Variants in IL1R1 observed in about 807,000 individuals in gnomAD.
IL1R1 encodes interleukin 1 receptor type 1, also known as interleukin-1 receptor type 1.
IL1R1 carries 22 observed loss-of-function variants against 50.2 expected under a neutral mutation model. That is an observed-to-expected ratio of 0.44 (90% confidence interval 0.31 to 0.63). The LOEUF is 0.63. Ranked by LOEUF, IL1R1 falls within the 20% of genes least tolerant of loss-of-function variation. The probability of loss-of-function intolerance (pLI) is 0.07; values close to 1 mark genes in which losing one functional copy is unlikely to be tolerated. For missense variants in IL1R1, 509 were observed against 676.2 expected (o/e 0.75, Z 2.74); for synonymous variants, 251 against 236.7 (o/e 1.06, Z -0.55).
At chr2:102,092,360 C>T (rs1426494942) in intron 1 of IL1R1, among the ~76,000 whole-genome samples, 1 of 152,000 alleles carries the variant, frequency 6.6e-6, no homozygotes, top group Non-Finnish European at 1.5e-5. Context: ...GTTTTCTTAG[C>T]TCTTTGATTC....
In IL1R1 at chr2:102,165,015, G is replaced by A. The variant is rs1297102645; in HGVS notation, c.296+7G>A. On this transcript the variant is annotated splice_region_variant and intron_variant, in intron 4 of 11. Coordinates refer to ENST00000410023, the MANE Select transcript of IL1R1 (RefSeq NM_000877.4). ...ATTACTATTGCGTGGTAAGGTAAGAGAGGAATTAGTATGTTACAAACATGT... is the reference window on the plus strand; with the variant it reads ...ATTACTATTGCGTGGTAAGGTAAGAAAGGAATTAGTATGTTACAAACATGT... 1 of 1,607,878 alleles carries A rather than the reference G, an allele frequency of 6.2e-7. No individual in the cohort carries two copies. The highest frequency in any genetic ancestry group is 1.3e-5 in the African/African-American group (1 of 74,752).
intron 1 of IL1R1, among the ~76,000 whole-genome samples, chr2:102,150,807 C>T (rs1683584956): frequency 6.6e-6 from 1 of 152,202 alleles, no homozygotes; most frequent in African/African-American, 2.4e-5. Context: ...TTCCTGGAAG[C>T]TGCTATGGAG....
intron 1 of IL1R1, among the ~76,000 whole-genome samples, chr2:102,117,788 C>T (rs763467343): frequency 1.3e-5 from 2 of 151,998 alleles, no homozygotes; most frequent in Non-Finnish European, 2.9e-5. Flanking sequence ...CCCAGTGTTC[C>T]GAGTGCTTGA....
chr2:102,114,345 G>C (rs1306270368), intron 1 of IL1R1, among the ~76,000 whole-genome samples: 1 of 152,224 alleles, frequency 6.6e-6, no homozygotes, highest in African/African-American at 2.4e-5. Context: ...TTCACAAATA[G>C]TATCAGCTGT....
chr2:102,115,855 G>T (rs10208542), intron 1 of IL1R1, among the ~76,000 whole-genome samples: 2 of 151,964 alleles, frequency 1.3e-5, no homozygotes, highest in East Asian at 3.9e-4. Context: ...GCGAGGAGAG[G>T]AACACATTCC....
chr2:102,129,822 G>T (rs537162797), intron 1 of IL1R1, among the ~76,000 whole-genome samples: 1 of 152,140 alleles, frequency 6.6e-6, no homozygotes, highest in East Asian at 1.9e-4. Flanking sequence ...AGACACCTTC[G>T]TACTCTTAAA....
chr2:102,085,457 C>A (rs550927806), intron 1 of IL1R1, among the ~76,000 whole-genome samples: 1 of 152,236 alleles, frequency 6.6e-6, no homozygotes, highest in African/African-American at 2.4e-5. Flanking sequence ...GATTCAGTGC[C>A]ATTTAGAGAA....
chr2:102,146,885 C>T (rs1009493015), intron 1 of IL1R1, among the ~76,000 whole-genome samples: 1 of 152,186 alleles, frequency 6.6e-6, no homozygotes, highest in Admixed American at 6.5e-5. Context: ...CCAGGGTCCC[C>T]TTCCCCACAG....
At chr2:102,115,486 C>G (rs775825473) in intron 1 of IL1R1, among the ~76,000 whole-genome samples, 1 of 152,208 alleles carries the variant, frequency 6.6e-6, no homozygotes, top group Non-Finnish European at 1.5e-5. Context: ...TCAAGTTATA[C>G]TCAATCTCAG....
At chr2:102,096,416 C>T (rs981999727) in intron 1 of IL1R1, among the ~76,000 whole-genome samples, 2 of 152,188 alleles carry the variant, frequency 1.3e-5, no homozygotes, top group African/African-American at 2.4e-5. Context: ...GTTTGCCTAC[C>T]TCGGAAATGT....
intron 1 of IL1R1, among the ~76,000 whole-genome samples, chr2:102,071,253 T>C (rs1678704976): frequency 6.6e-6 from 1 of 152,212 alleles, no homozygotes; most frequent in Non-Finnish European, 1.5e-5. Flanking sequence ...TCCCTTCTGA[T>C]TCTAATTTAT....
chr2:102,130,933 G>A (rs1681995305), intron 1 of IL1R1, among the ~76,000 whole-genome samples: 1 of 152,150 alleles, frequency 6.6e-6, no homozygotes, highest in Non-Finnish European at 1.5e-5. Flanking sequence ...CTGAGAGGCA[G>A]AAAACAAAGC....
upstream of IL1R1, among the ~76,000 whole-genome samples, chr2:102,101,678 A>G (rs968082410): frequency 1.1e-4 from 16 of 152,222 alleles, no homozygotes; most frequent in African/African-American, 3.9e-4. Flanking sequence ...CTGGGAAAAT[A>G]CTTGAGTTAT....
intron 1 of IL1R1, among the ~76,000 whole-genome samples, chr2:102,088,059 T>C (rs1442919428): frequency 6.6e-6 from 1 of 152,228 alleles, no homozygotes; most frequent in African/African-American, 2.4e-5. Context: ...TACTGAAGTC[T>C]TGAACCCCTT....
intron 1 of IL1R1, among the ~76,000 whole-genome samples, chr2:102,083,336 T>A (rs1237975641): frequency 6.6e-6 from 1 of 152,184 alleles, no homozygotes. Context: ...AATAGAACTT[T>A]TTTTTTCCTT....
chr2:102,100,564 G>C (rs751383884), upstream of IL1R1, among the ~76,000 whole-genome samples: 6 of 152,318 alleles, frequency 3.9e-5, no homozygotes, highest in Admixed American at 1.3e-4. Context: ...GCATTTAACT[G>C]TGGTAATCTC....
intron 1 of IL1R1, among the ~76,000 whole-genome samples, chr2:102,148,344 G>C (rs1683338469): frequency 6.6e-6 from 1 of 152,190 alleles, no homozygotes; most frequent in Non-Finnish European, 1.5e-5. Context: ...ACAGGTATGA[G>C]TGTGTGGGGC....
intron 3 of IL1R1, among the ~76,000 whole-genome samples, chr2:102,162,206 A>G (rs1559499394): frequency 6.6e-6 from 1 of 152,084 alleles, no homozygotes; most frequent in Non-Finnish European, 1.5e-5. Flanking sequence ...TAATTAATCA[A>G]ACTTTCTTTT....
chr2:102,169,384 C>A (rs1685477660), intron 7 of IL1R1, among the ~76,000 whole-genome samples: 1 of 152,218 alleles, frequency 6.6e-6, no homozygotes, highest in Non-Finnish European at 1.5e-5. Context: ...TCAATTGATT[C>A]ATTTAGTTAA....
Sources: allele counts gnomAD v4.1 joint callset (sites outside exome capture counted in the v4.1 genomes callset), GRCh38; gene constraint gnomAD v4.1.1; transcripts MANE v1.5; gene names NCBI Gene and HGNC (gene_info 2026-07-23, HGNC 2026-07-21).